The following MYO1E variants were observed in gnomAD, a reference collection of about 807,000 sequenced individuals.
MYO1E encodes the protein unconventional myosin-Ie.
In MYO1E, 68 loss-of-function variants were observed where a neutral mutation model predicts 151.1. That is an observed-to-expected ratio of 0.45 (90% confidence interval 0.37 to 0.55). The LOEUF (loss-of-function observed/expected upper bound fraction) is 0.55, where lower values mean the gene tolerates loss of function less well. Ranked by LOEUF, MYO1E falls within the 20% of genes least tolerant of loss-of-function variation. MYO1E has a pLI of 0.00. For synonymous variants in MYO1E, 601 were observed against 501.7 expected (o/e 1.20, Z -2.64); for missense variants, 1,363 against 1,389.3 (o/e 0.98, Z 0.30).
At chr15:59,371,921 G>A (rs2080947873) in intron 1 of MYO1E, among the ~76,000 whole-genome samples, 1 of 150,708 alleles carries the variant, frequency 6.6e-6, no homozygotes, top group African/African-American at 2.4e-5. Flanking sequence ...GCCTGCCTTT[G>A]TGCGGCCCGC....
chr15:59,357,947 C>T (rs2080864284), intron 1 of MYO1E, among the ~76,000 whole-genome samples: 1 of 152,166 alleles, frequency 6.6e-6, no homozygotes, highest in South Asian at 2.1e-4. Flanking sequence ...TGTAGCCACA[C>T]TGCAGAGGTG....
At chr15:59,372,253 G>A (rs1272246269) in intron 1 of MYO1E, among the ~76,000 whole-genome samples, 3 of 152,130 alleles carry the variant, frequency 2.0e-5, no homozygotes, top group African/African-American at 7.2e-5. Flanking sequence ...ATAGCAACCC[G>A]GCCACAGAAA....
chr15:59,277,561 A>ACAAC (rs765946535), intron 1 of MYO1E, among the ~76,000 whole-genome samples: 8 of 145,892 alleles, frequency 5.5e-5, no homozygotes, highest in Admixed American at 4.7e-4. Flanking sequence ...AAAAAAAAAA[A>ACAAC]AAAAAAAAAA....
intron 1 of MYO1E, 73 bp downstream of exon 1, chr15:59,372,425 T>C: frequency 2.0e-6 from 3 of 1,527,642 alleles, no homozygotes; most frequent in Non-Finnish European, 2.6e-6. Flanking sequence ...GCGCCCAAGG[T>C]GGGTGCACCA....
chr15:59,214,712 A>G lies in MYO1E; in HGVS notation c.1116T>C (p.Asn372=), dbSNP rs1439010290. The change falls in exon 11 of 28, where the codon AAT becomes AAC. Residue 372 remains asparagine, a synonymous_variant. Coordinates refer to ENST00000288235, the MANE Select transcript of MYO1E (RefSeq NM_004998.4). ...CTTCATGGTCTTTCTCCATGGCTTT[A>G]TTGATGGACTAGAGAAAGTAAACAG... ...RVFDFLVDSI[N]KAMEKDHEEY... is the part of the protein sequence containing the mutation. 3 of 1,612,918 alleles carry G rather than the reference A, an allele frequency of 1.9e-6. No individual in the cohort carries two copies. Among genetic ancestry groups the G allele is most frequent in the East Asian group, 4.5e-5 (2 of 44,872 alleles).
At position 59,136,231 on chromosome 15, in the gene MYO1E, GT is replaced by G. The variant is rs1193305883; in HGVS notation, c.*1148del. The G allele has an allele frequency of 6.5e-6, 1 of 154,508 alleles. No individual in the cohort carries two copies. The highest frequency in any genetic ancestry group is 6.3e-5 in the Admixed American group (1 of 15,774). 9.6% of individuals were successfully genotyped at this position (154,508 alleles called of 1,614,324 possible). ...CACTCTAATGACTTCATTTTAATTA[GT>G]TTTGTTTGTTTGCTCCATAAAGACT... On this transcript the variant is annotated 3_prime_UTR_variant, in exon 28 of 28. Coordinates refer to ENST00000288235, the MANE Select transcript of MYO1E (RefSeq NM_004998.4).
rs551524268 is a variant in MYO1E, at chr15:59,324,385, T to C, written c.3+48113A>G. Reference sequence around the variant, plus strand: ...ACCCCTCGCCTATGAGCAACACAAGTCTGTGGAGAGCCTTGTGCTAAACCA... The same window carrying C: ...ACCCCTCGCCTATGAGCAACACAAGCCTGTGGAGAGCCTTGTGCTAAACCA... On this transcript the variant is annotated intron_variant, in intron 1 of 27. Coordinates refer to ENST00000288235, the MANE Select transcript of MYO1E (RefSeq NM_004998.4). Among the ~76,000 whole-genome samples the C allele has an allele frequency of 2.6e-5, 4 of 152,240 alleles. No homozygotes were observed. In the East Asian group the frequency reaches 7.7e-4, roughly 29 times the overall value.
intron 1 of MYO1E, among the ~76,000 whole-genome samples, chr15:59,319,315 A>C (rs2080609770): frequency 6.6e-6 from 1 of 152,064 alleles, no homozygotes; most frequent in African/African-American, 2.4e-5. Flanking sequence ...CATCTGAAAA[A>C]ACGAAAAAAA....
At chr15:59,273,853 C>A (rs1026145636) in intron 1 of MYO1E, among the ~76,000 whole-genome samples, 32 of 152,066 alleles carry the variant, frequency 2.1e-4, no homozygotes, top group African/African-American at 7.5e-4. Context: ...GTGAGACTCG[C>A]CCCTGCCCCC....
intron 1 of MYO1E, among the ~76,000 whole-genome samples, chr15:59,319,954 G>A (rs1158936822): frequency 2.6e-5 from 4 of 151,958 alleles, no homozygotes; most frequent in Non-Finnish European, 5.9e-5. Context: ...CCTCCACCTC[G>A]AACTGACAAG....
chr15:59,163,094 G>T, intron 23 of MYO1E, 63 bp downstream of exon 23: 1 of 1,579,122 alleles, frequency 6.3e-7, no homozygotes, highest in East Asian at 2.3e-5. Flanking sequence ...CTGAATCGCA[G>T]GGGTGCGATC....
At chr15:59,202,433 T>G in intron 15 of MYO1E, 26 bp from the exon 16 acceptor site, 3 of 1,575,966 alleles carry the variant, frequency 1.9e-6, no homozygotes, top group Non-Finnish European at 2.6e-6. Context: ...GAGAATGAAT[T>G]AACAATCTGT....
chr15:59,170,557 C>G (rs1176170496), intron 22 of MYO1E, among the ~76,000 whole-genome samples: 11 of 151,746 alleles, frequency 7.2e-5, no homozygotes, highest in African/African-American at 2.7e-4. Context: ...TTAGGAAGGC[C>G]TTCAGAAAAT....
At chr15:59,157,569 A>G (rs568664320) in intron 25 of MYO1E, among the ~76,000 whole-genome samples, 3 of 152,238 alleles carry the variant, frequency 2.0e-5, no homozygotes, top group Non-Finnish European at 2.9e-5. Context: ...TGCCCAGCCT[A>G]TCCATGCTGT....
chr15:59,313,157 T>C (rs1049209127), intron 1 of MYO1E, among the ~76,000 whole-genome samples: 1 of 152,206 alleles, frequency 6.6e-6, no homozygotes, highest in East Asian at 1.9e-4. Context: ...AAGTTTGTAA[T>C]TATCTATTCC....
intron 1 of MYO1E, among the ~76,000 whole-genome samples, chr15:59,343,977 T>C (rs2080780009): frequency 6.6e-6 from 1 of 152,208 alleles, no homozygotes; most frequent in South Asian, 2.1e-4. Context: ...TTCTGAAAGG[T>C]CCCATATCTC....
intron 1 of MYO1E, among the ~76,000 whole-genome samples, chr15:59,363,572 T>C (rs1017225007): frequency 6.6e-6 from 1 of 152,214 alleles, no homozygotes; most frequent in Non-Finnish European, 1.5e-5. Flanking sequence ...TCAAAGAGCA[T>C]GGACTTAGCA....
intron 1 of MYO1E, among the ~76,000 whole-genome samples, chr15:59,367,654 G>T (rs1337600805): frequency 6.6e-6 from 1 of 152,210 alleles, no homozygotes; most frequent in African/African-American, 2.4e-5. Context: ...GATAAATACT[G>T]AATGCCACTA....
chr15:59,221,008 TA>T (rs1566983331), intron 9 of MYO1E, among the ~76,000 whole-genome samples: 1 of 143,774 alleles, frequency 7.0e-6, no homozygotes, highest in Admixed American at 7.0e-5. Context: ...ATTATATATA[TA>T]ATATATATAT....
Sources: gnomAD v4.1 joint callset for allele counts (sites outside exome capture counted in the v4.1 genomes callset) on GRCh38, gnomAD v4.1.1 for gene constraint, MANE v1.5 for transcripts, NCBI Gene and HGNC (gene_info 2026-07-23, HGNC 2026-07-21) for gene names.